The following NOS1 variants were observed in gnomAD, a reference collection of about 807,000 sequenced individuals.
NOS1 encodes nitric oxide synthase 1.
Under a neutral mutation model 164.5 loss-of-function variants are expected in NOS1, and 51 were observed. That is an observed-to-expected ratio of 0.31 (90% CI 0.25 to 0.39). The LOEUF (loss-of-function observed/expected upper bound fraction) is 0.39. NOS1 is among the 10% of genes least tolerant of loss of function. The pLI is 1.00. For missense variants in NOS1, 1,362 were observed against 1,885.6 expected, an observed-to-expected ratio of 0.72 and a Z score of 5.14; for synonymous variants, 719 against 745.8, an observed-to-expected ratio of 0.96 and a Z score of 0.59.
At position 117,305,069 on chromosome 12, in the gene NOS1, T is replaced by C. The variant is rs181469871; in HGVS notation, c.852+6397A>G. On this transcript the variant is annotated intron_variant, in intron 3 of 28. Coordinates refer to ENST00000317775, the MANE Select transcript of NOS1 (RefSeq NM_000620.5). ...CCACCTATCCCTTCCTGACTCAGGA[T>C]TGCAGGTAGTGGCTGGGTTCCTCTT... The C allele has an allele frequency of 6.1e-6, 6 of 985,396 alleles. No homozygotes were observed. The African/African-American group carries it at 8.7e-5, about 14-fold the overall frequency. The allele number at this position is 985,396 out of a possible 1,614,324, so 61.0% of individuals were successfully genotyped here. A position where few individuals can be genotyped will look rare whatever the true frequency, so the allele number is the denominator to read the frequency against.
chr12:117,275,756 A>AAT (rs771213087), intron 9 of NOS1, among the ~76,000 whole-genome samples: 110 of 152,370 alleles, frequency 7.2e-4, no homozygotes, highest in Non-Finnish European at 1.2e-3. Flanking sequence ...ATATCTCATG[A>AAT]ATATATGCAC....
chr12:117,213,134 C>T lies in NOS1; in HGVS notation c.*2175G>A. ...GTAAGCGCTTCTAAGTATTTATTCC[C>T]TGATGGAAAAGCATTCCTGCATAAA... is the stretch of plus-strand genomic sequence containing the variant. On this transcript the variant is annotated 3_prime_UTR_variant, in exon 29 of 29. Coordinates refer to ENST00000317775, the MANE Select transcript of NOS1 (RefSeq NM_000620.5). 7 of 985,458 alleles carry T rather than the reference C, an allele frequency of 7.1e-6. No individual in the cohort carries two copies. The highest frequency in any genetic ancestry group is 8.4e-6 in the Non-Finnish European group (7 of 829,952). The allele number at this position is 985,458 out of a possible 1,614,324, so 61.0% of individuals were successfully genotyped here.
At chr12:117,324,935 T>C (rs973875875) in intron 2 of NOS1, among the ~76,000 whole-genome samples, 1 of 151,874 alleles carries the variant, frequency 6.6e-6, no homozygotes, top group Non-Finnish European at 1.5e-5. Context: ...GGACGTCCCA[T>C]GGGGGAATGG....
chr12:117,316,001 T>C (rs1428325267), intron 2 of NOS1, among the ~76,000 whole-genome samples: 1 of 152,226 alleles, frequency 6.6e-6, no homozygotes, highest in Non-Finnish European at 1.5e-5. Context: ...GTCTCATATC[T>C]GCACAATCCC....
chr12:117,279,830 T>C (rs1271498438), intron 8 of NOS1, among the ~76,000 whole-genome samples: 1 of 152,082 alleles, frequency 6.6e-6, no homozygotes, highest in Non-Finnish European at 1.5e-5. Flanking sequence ...CTGGTTACAG[T>C]CCCCTCCTCA....
chr12:117,329,710 C>A (rs1236625009), intron 2 of NOS1, among the ~76,000 whole-genome samples: 1 of 152,166 alleles, frequency 6.6e-6, no homozygotes, highest in Non-Finnish European at 1.5e-5. Context: ...GGCTGGTACC[C>A]AGTTCTTTAA....
intron 1 of NOS1, among the ~76,000 whole-genome samples, chr12:117,351,064 A>G (rs11068455): frequency 4.6e-5 from 7 of 152,134 alleles, no homozygotes; most frequent in Non-Finnish European, 7.3e-5. Flanking sequence ...CAGTGAGCCG[A>G]GATCGCGCCA....
At chr12:117,292,368 T>C (rs2136028515) in intron 3 of NOS1, among the ~76,000 whole-genome samples, 1 of 152,138 alleles carries the variant, frequency 6.6e-6, no homozygotes, top group East Asian at 1.9e-4. Flanking sequence ...CTGGAGTGTA[T>C]GCATGAGGGC....
chr12:117,283,217 C>T (rs1315493870), intron 7 of NOS1, among the ~76,000 whole-genome samples: 4 of 151,918 alleles, frequency 2.6e-5, no homozygotes, highest in African/African-American at 7.3e-5. Context: ...CACTCCAGCA[C>T]GTCCTACTAA....
chr12:117,353,645 CGAAG>C (rs558785448), intron 1 of NOS1, among the ~76,000 whole-genome samples: 103 of 152,240 alleles, frequency 6.8e-4, no homozygotes, highest in Middle Eastern at 3.4e-3. Flanking sequence ...AGGGTTCTTG[CGAAG>C]GAAGGGTTTT....
chr12:117,325,870 G>A (rs1049828061), intron 2 of NOS1, among the ~76,000 whole-genome samples: 2 of 152,212 alleles, frequency 1.3e-5, no homozygotes, highest in Non-Finnish European at 2.9e-5. Flanking sequence ...TCGTGTCTGA[G>A]CACTGATATG....
intron 1 of NOS1, among the ~76,000 whole-genome samples, chr12:117,342,782 TGGGGAGCCTGGTTA>T (rs1323339097): frequency 6.6e-6 from 1 of 152,020 alleles, no homozygotes; most frequent in Non-Finnish European, 1.5e-5. Context: ...AGGCTGGGTA[TGGGGAGCCTGGTTA>T]GGAGGCTGCT....
chr12:117,325,584 C>T (rs975106314), intron 2 of NOS1, among the ~76,000 whole-genome samples: 3 of 152,156 alleles, frequency 2.0e-5, no homozygotes, highest in Non-Finnish European at 4.4e-5. Context: ...AGCTTATATT[C>T]CCGGGCTGAG....
intron 17 of NOS1, among the ~76,000 whole-genome samples, chr12:117,253,186 G>A (rs1023078147): frequency 1.3e-5 from 2 of 152,176 alleles, no homozygotes; most frequent in African/African-American, 4.8e-5. Flanking sequence ...AATCTCTGGA[G>A]ATGGGTCTTG....
At chr12:117,224,864 CTGTAGGTCAGGCTGGTGCTACACGCCCCA>C in intron 25 of NOS1, 123 bp downstream of exon 25, 1 of 954,092 alleles carries the variant, frequency 1.0e-6, no homozygotes, top group Non-Finnish European at 1.6e-6. Flanking sequence ...TGAACTTCAC[CTGTAGGTCAGGCTGGTGCTACACGCCCCA>C]GCTTTTCTGA....
intron 22 of NOS1, among the ~76,000 whole-genome samples, chr12:117,229,600 C>A (rs1312204483): frequency 2.0e-5 from 3 of 151,890 alleles, no homozygotes; most frequent in East Asian, 1.9e-4. Flanking sequence ...ATCTATCTAT[C>A]TATCTGGAGA....
intron 27 of NOS1, 124 bp downstream of exon 27, chr12:117,219,951 T>C (rs1956675023): frequency 1.1e-6 from 1 of 906,518 alleles, no homozygotes; most frequent in Non-Finnish European, 1.7e-6. Flanking sequence ...CAGTGGTAAG[T>C]GCAACGAATG....
chr12:117,225,084 CCAA>C lies in NOS1; in HGVS notation c.3755_3757del (p.Val1252del). 6.2e-7 allele frequency: 1 copy of C among 1,614,094 alleles called. No individual in the cohort carries two copies. The highest frequency in any genetic ancestry group is 8.5e-7 in the Non-Finnish European group (1 of 1,180,010). ...GAAAGGGGCAATGCCGGTGCCTGGT[CCAA>C]CGAGGATGCAGGGGACTTGGGGGTT... On this transcript the variant is annotated inframe_deletion, in exon 25 of 29. Transcript: ENST00000317775.
intron 25 of NOS1, among the ~76,000 whole-genome samples, chr12:117,224,337 G>C (rs1427548484): frequency 2.0e-5 from 3 of 152,012 alleles, no homozygotes; most frequent in Non-Finnish European, 2.9e-5. Context: ...CCAGGCTGGA[G>C]TGCGGTGGCA....
Sources: allele counts gnomAD v4.1 joint callset (sites outside exome capture counted in the v4.1 genomes callset), GRCh38; gene constraint gnomAD v4.1.1; transcripts MANE v1.5; gene names NCBI Gene and HGNC (gene_info 2026-07-23, HGNC 2026-07-21).